MACF1: variants seen among roughly 807,000 people sequenced by gnomAD.
MACF1 encodes microtubule-actin cross-linking factor 1.
In MACF1, 193 loss-of-function variants were observed where a neutral mutation model predicts 854.8. That is an observed-to-expected ratio of 0.23 (90% confidence interval 0.20 to 0.25). The LOEUF (loss-of-function observed/expected upper bound fraction) is 0.25. Among genes scored for constraint, MACF1 ranks in the 10% least tolerant of loss-of-function variants. MACF1 has a pLI of 1.00. For synonymous variants in MACF1, 3,185 were observed against 3,226.7 expected, an observed-to-expected ratio of 0.99 and a Z score of 0.44; for missense variants, 7,722 against 8,929.1, an observed-to-expected ratio of 0.86 and a Z score of 5.45.
intron 2 of MACF1, among the ~76,000 whole-genome samples, chr1:39,233,790 TTTTTTTTA>T (rs1448518158): frequency 2.3e-5 from 2 of 88,554 alleles, no homozygotes; most frequent in Non-Finnish European, 5.6e-5. Flanking sequence ...TTTTTTTTTT[TTTTTTTTA>T]TTTATTTTTT....
rs555900322 is a variant in MACF1, at chr1:39,232,975, G to A, written c.171+1732G>A. On this transcript the variant is annotated intron_variant, in intron 2 of 100. Transcript: ENST00000564288. Reference sequence around the variant, plus strand: ...TTTTTAAATTTTTTTGTAGAGATGGGTTCTCACTGTGCTGCCCAGGTCTTT... The same window carrying A: ...TTTTTAAATTTTTTTGTAGAGATGGATTCTCACTGTGCTGCCCAGGTCTTT... Among the ~76,000 whole-genome samples, 9 of 151,434 alleles carry A rather than the reference G, an allele frequency of 5.9e-5. 2 individuals carry two copies. The East Asian group carries it at 1.7e-3, about 29-fold the overall frequency.
At chr1:39,163,599 A>G (rs1215382060) in intron 2 of MACF1, among the ~76,000 whole-genome samples, 1 of 152,184 alleles carries the variant, frequency 6.6e-6, no homozygotes, top group African/African-American at 2.4e-5. Context: ...CTACTGAGAA[A>G]GAACATGGTC....
chr1:39,112,306 A>C (rs936801191), intron 2 of MACF1, among the ~76,000 whole-genome samples: 4 of 151,954 alleles, frequency 2.6e-5, no homozygotes, highest in Admixed American at 6.6e-5. Context: ...GGCTGGTCTC[A>C]AACTCCTGAC....
chr1:39,234,480 T>TCAGTAGGGGCAGCCGGG (rs1644828582), intron 2 of MACF1, among the ~76,000 whole-genome samples: 2 of 118,072 alleles, frequency 1.7e-5, no homozygotes, highest in African/African-American at 6.7e-5. Flanking sequence ...TCCTCACTTC[T>TCAGTAGGGGCAGCCGGG]CAGTAGGGGC....
In MACF1 at chr1:39,105,610, C is replaced by A. The variant is rs1481312171; in HGVS notation, c.220+21172C>A. 2 of 1,218,734 alleles carry A rather than the reference C, an allele frequency of 1.6e-6. No individual in the cohort carries two copies. Among genetic ancestry groups the A allele is most frequent in the South Asian group, 1.4e-5 (1 of 73,324 alleles). The allele number at this position is 1,218,734 out of a possible 1,614,324, so 75.5% of individuals were successfully genotyped here. A position where few individuals can be genotyped will look rare whatever the true frequency, so the allele number is the denominator to read the frequency against. On this transcript the variant is annotated intron_variant, in intron 2 of 93. Coordinates refer to the MACF1 transcript ENST00000361689. The surrounding 1 kb of genome is among the most constrained non-coding windows in gnomAD (Gnocchi z 5.9). ...CAGCCCCCGGGGCTCGGCGAGAAGG[C>A]GGTGCGGGCGGCCATGGCCGGCTAC... is the stretch of plus-strand genomic sequence containing the variant.
Position 39,283,205 on chromosome 1 carries a change from A to C in MACF1, c.712A>C (p.Met238Leu). Reference protein sequence around the residue: ...IHRYRPDLVDMERVQIQSNRE... With the variant: ...IHRYRPDLVDLERVQIQSNRE... ...CTTTTACAGACCCGATCTAGTAGAC[A>C]TGGAGAGGGTGCAAATCCAAAGTAA... is the stretch of plus-strand genomic sequence containing the variant. Residue 238 changes from methionine to leucine, a missense_variant, in exon 8 of 101, where the codon ATG (methionine) becomes CTG (leucine). Physicochemically the swap from Met to Leu is conservative, Grantham distance 15 (BLOSUM62 2). Around this residue, in one of 15 missense-constraint regions of MACF1, gnomAD observed 108 missense variants for 196.4 expected, o/e 0.55. Coordinates refer to ENST00000564288, the MANE Select transcript of MACF1 (RefSeq NM_001394062.1). This position sits in a 1 kb window ranked among gnomAD's most constrained non-coding sequence, Gnocchi z 4.5. The C allele has an allele frequency of 1.9e-6, 3 of 1,612,410 alleles. No individual in the cohort carries two copies. Among genetic ancestry groups the C allele is most frequent in the Non-Finnish European group, 2.5e-6 (3 of 1,178,440 alleles).
intron 1 of MACF1, among the ~76,000 whole-genome samples, chr1:39,216,155 A>G (rs1299652350): frequency 8.8e-6 from 1 of 114,148 alleles, no homozygotes; most frequent in Middle Eastern, 4.1e-3. Flanking sequence ...GAAAAAAGAT[A>G]AAGAAAATGT....
At chr1:39,406,625 T>C (rs909329463) in intron 58 of MACF1, among the ~76,000 whole-genome samples, 4 of 150,676 alleles carry the variant, frequency 2.7e-5, no homozygotes, top group African/African-American at 7.3e-5. Flanking sequence ...ATCCCAGCTA[T>C]TGGGGAGGCT....
At chr1:39,417,713 A>ATTTTTTTTTTTTTTTTTTTT (rs56799242) in intron 58 of MACF1, among the ~76,000 whole-genome samples, 1 of 55,796 alleles carries the variant, frequency 1.8e-5, no homozygotes, top group Non-Finnish European at 3.8e-5. Flanking sequence ...CACCCAGTTA[A>ATTTTTTTTTTTTTTTTTTTT]TTTTTTTTTT....
At chr1:39,237,833 C>T (rs1024799576) in intron 2 of MACF1, among the ~76,000 whole-genome samples, 2 of 151,766 alleles carry the variant, frequency 1.3e-5, no homozygotes, top group African/African-American at 4.8e-5. Context: ...AGTTTTTTCC[C>T]CATTATTTCT....
At chr1:39,464,151 A>G (rs1239235205) in intron 94 of MACF1, 2 of 162,218 alleles carry the variant, frequency 1.2e-5, no homozygotes, top group East Asian at 3.3e-4. Context: ...CATCAGGCTC[A>G]GTGGTCTTCC....
At chr1:39,438,464 A>G (rs1243798025) in intron 71 of MACF1, among the ~76,000 whole-genome samples, 3 of 152,232 alleles carry the variant, frequency 2.0e-5, no homozygotes, top group Non-Finnish European at 4.4e-5. Context: ...TGGGATACCA[A>G]TGTAAGAGGA....
At chr1:39,119,675 G>A (rs1000092915) in intron 2 of MACF1, among the ~76,000 whole-genome samples, 3 of 151,940 alleles carry the variant, frequency 2.0e-5, no homozygotes, top group Non-Finnish European at 2.9e-5. Flanking sequence ...AAGGGGCATT[G>A]TTGTCCCCCT....
At chr1:39,196,342 C>T (rs988243136) in intron 2 of MACF1, among the ~76,000 whole-genome samples, 1 of 152,118 alleles carries the variant, frequency 6.6e-6, no homozygotes, top group African/African-American at 2.4e-5. Context: ...TCTTTGTAGA[C>T]ATTCTGGGCC....
chr1:39,086,369 T>G (rs1233544491), intron 2 of MACF1, among the ~76,000 whole-genome samples: 1 of 152,124 alleles, frequency 6.6e-6, no homozygotes, highest in Non-Finnish European at 1.5e-5. Flanking sequence ...GAGGGAGAGT[T>G]GGAGCTCTTT....
Position 39,315,647 on chromosome 1 carries a change from G to C in MACF1, c.3405G>C (p.Glu1135Asp). The change falls in exon 27 of 101, where the codon GAG becomes GAC. Residue 1135 changes from glutamate (E) to aspartate (D), a missense_variant. Transcript: ENST00000564288. ...TLRSELNLLV[E>D]KMDHVYGLST... ...GCTCAGAACTGAATCTGCTGGTGGA[G>C]AAGATGGACCATGTCTATGGTCTCT... is the stretch of plus-strand genomic sequence containing the variant. 6.2e-7 allele frequency: 1 copy of C among 1,614,162 alleles called. No individual in the cohort carries two copies.
chr1:39,417,061 C>T (rs555503812), intron 58 of MACF1, among the ~76,000 whole-genome samples: 21 of 152,264 alleles, frequency 1.4e-4, no homozygotes, highest in African/African-American at 4.6e-4. Flanking sequence ...CTGAACCTGC[C>T]ATTTTTATAT....
rs1203470308 is a variant in MACF1 at position 39,460,730 on chromosome 1, C to G, written c.21459C>G (p.Arg7153=). The change falls in exon 92 of 101, where the codon CGC becomes CGG. Residue 7153 remains arginine, a synonymous_variant. Transcript: ENST00000564288. The surrounding 1 kb of genome is among the most constrained non-coding windows in gnomAD (Gnocchi z 4.1). ...CTCGAGTGATGGATTTCTTCCGGCG[C>G]ATTGATAAGGACCAGGATGGGAAGA... is the stretch of plus-strand genomic sequence containing the variant. ...KKSRVMDFFR[R]IDKDQDGKIT... 1.9e-6 allele frequency: 3 copies of G among 1,614,074 alleles called. No homozygotes were observed. Among genetic ancestry groups the G allele is most frequent in the Non-Finnish European group, 2.5e-6 (3 of 1,180,028 alleles).
intron 2 of MACF1, among the ~76,000 whole-genome samples, chr1:39,106,253 T>C (rs1212377455): frequency 2.6e-5 from 4 of 152,056 alleles, no homozygotes; most frequent in Non-Finnish European, 5.9e-5. Flanking sequence ...TGTGCAGTTT[T>C]TGGTGGCGAG....
Sources: gnomAD v4.1 joint callset for allele counts (sites outside exome capture counted in the v4.1 genomes callset) on GRCh38, gnomAD v4.1.1 for gene constraint, gnomAD v4.1.1 regional missense constraint, Gnocchi (gnomAD v3.1) non-coding constraint, MANE v1.5 for transcripts, NCBI Gene and HGNC (gene_info 2026-07-23, HGNC 2026-07-21) for gene names.